Variants in SNTG2 observed in about 807,000 individuals in gnomAD.
The protein encoded by SNTG2 is syntrophin gamma 2.
Under a neutral mutation model 70.9 loss-of-function variants are expected in SNTG2, and 74 were observed. The observed-to-expected ratio is 1.04, with a 90% confidence interval of 0.86 to 1.27. The LOEUF is 1.27. Ranked by LOEUF, SNTG2 falls within the 50% of genes most tolerant of loss-of-function variation. The pLI, the probability that SNTG2 is intolerant of heterozygous loss-of-function variation, is 0.00. For missense variants in SNTG2, 717 were observed against 690.7 expected, an observed-to-expected ratio of 1.04 and a Z score of -0.43; for synonymous variants, 278 against 273.8, an observed-to-expected ratio of 1.02 and a Z score of -0.15.
intron 16 of SNTG2, among the ~76,000 whole-genome samples, chr2:1,327,166 G>A (rs1478357694): frequency 2.0e-5 from 3 of 151,802 alleles, no homozygotes; most frequent in African/African-American, 7.3e-5. Flanking sequence ...AAGAAGTAAG[G>A]GATTTTTTTT....
At chr2:974,509 C>G (rs975561080) in intron 1 of SNTG2, among the ~76,000 whole-genome samples, 7 of 152,200 alleles carry the variant, frequency 4.6e-5, no homozygotes, top group African/African-American at 1.7e-4. Context: ...CATGCAGGAG[C>G]TGGACACTGG....
chr2:1,222,544 C>T (rs1394551577), intron 9 of SNTG2, among the ~76,000 whole-genome samples: 10 of 108,730 alleles, frequency 9.2e-5, no homozygotes, highest in East Asian at 2.8e-4. Context: ...GGTGCTGGAT[C>T]GCTGTAGAGG....
rs78014487 is a variant in SNTG2 at position 1,128,249 on chromosome 2, C to T, written c.326-9373C>T. Among the ~76,000 whole-genome samples the T allele has an allele frequency of 2.1e-3, 326 of 151,924 alleles. 1 individual carries two copies. The highest frequency in any genetic ancestry group is 4.1e-3 in the South Asian group (20 of 4,826). On this transcript the variant is annotated intron_variant, in intron 4 of 16. Transcript: ENST00000308624. ...ATAAGGAATGCAATTTATTCATTTT[C>T]GCATACTGTGAATAATGGAATCAAG... is the stretch of plus-strand genomic sequence containing the variant.
intron 14 of SNTG2, among the ~76,000 whole-genome samples, chr2:1,269,191 G>A (rs191231885): frequency 3.9e-4 from 60 of 152,120 alleles, no homozygotes; most frequent in African/African-American, 1.4e-3. Flanking sequence ...CTTATGTTTC[G>A]TACTGTCCTT....
chr2:995,764 A>G (rs1661657877), intron 1 of SNTG2, among the ~76,000 whole-genome samples: 3 of 152,172 alleles, frequency 2.0e-5, no homozygotes, highest in African/African-American at 7.2e-5. Context: ...AATTTCATTT[A>G]AGTTATATAA....
At chr2:1,227,881 A>C (rs10192671) in intron 9 of SNTG2, among the ~76,000 whole-genome samples, 2 of 152,048 alleles carry the variant, frequency 1.3e-5, no homozygotes. Context: ...ATTCTGTGGC[A>C]CCAAACACCG....
At chr2:1,124,358 G>T (rs28796319) in intron 4 of SNTG2, among the ~76,000 whole-genome samples, 1 of 150,632 alleles carries the variant, frequency 6.6e-6, no homozygotes, top group African/African-American at 2.5e-5. Flanking sequence ...GCAGTGGTGC[G>T]ATCTCAGCTC....
At position 1,267,493 on chromosome 2, in the gene SNTG2, C is replaced by A; in HGVS notation, c.1206C>A (p.Asn402Lys). ...VAGHGKSHVFNVELGSELAMW... is the reference protein window; with the variant it reads ...VAGHGKSHVFKVELGSELAMW... The stretch of plus-strand genomic sequence containing the variant: ...GCCATGGGAAGAGCCATGTTTTCAA[C>A]GTGGAGCTTGGCAGCGAGCTGGCCA... The change falls in exon 14 of 17, where the codon AAC becomes AAA. Residue 402 changes from asparagine (N) to lysine (K), a missense_variant. Physicochemically the swap from Asn to Lys is moderately conservative, Grantham distance 94 (BLOSUM62 0). Coordinates refer to ENST00000308624, the MANE Select transcript of SNTG2 (RefSeq NM_018968.4). 1.2e-6 allele frequency: 2 copies of A among 1,613,892 alleles called. No individual in the cohort carries two copies. Among genetic ancestry groups the A allele is most frequent in the Non-Finnish European group, 8.5e-7 (1 of 1,179,880 alleles).
intron 2 of SNTG2, among the ~76,000 whole-genome samples, chr2:1,084,093 G>T (rs981807488): frequency 6.6e-6 from 1 of 152,130 alleles, no homozygotes; most frequent in Non-Finnish European, 1.5e-5. Context: ...CACCATGTGA[G>T]ATGTGGAATG....
intron 8 of SNTG2, among the ~76,000 whole-genome samples, chr2:1,178,652 C>A (rs1217342081): frequency 6.6e-6 from 1 of 152,116 alleles, no homozygotes; most frequent in East Asian, 1.9e-4. Context: ...AGGGATGAAG[C>A]CCACTTGATC....
chr2:1,157,763 T>C (rs1669998505), intron 6 of SNTG2, among the ~76,000 whole-genome samples: 1 of 152,162 alleles, frequency 6.6e-6, no homozygotes, highest in Non-Finnish European at 1.5e-5. Context: ...TAACTCAGCT[T>C]CTGGTGTGCA....
At chr2:987,289 C>A (rs778850724) in intron 1 of SNTG2, among the ~76,000 whole-genome samples, 21 of 152,138 alleles carry the variant, frequency 1.4e-4, no homozygotes, top group African/African-American at 5.1e-4. Context: ...GAGAATGGCA[C>A]ACTGCAGGTG....
Position 1,165,610 on chromosome 2 carries a change from G to C in SNTG2, c.474G>C (p.Ala158=). 1 of 1,612,860 alleles carries C rather than the reference G, an allele frequency of 6.2e-7. No homozygotes were observed. Among genetic ancestry groups the C allele is most frequent in the Non-Finnish European group, 8.5e-7 (1 of 1,179,514 alleles). ...TCACCGTTGAGTATCTCAGGGAAGCGCCGGCATTTCTGAAGCTCCCGTTAG... is the reference window on the plus strand; with the variant it reads ...TCACCGTTGAGTATCTCAGGGAAGCCCCGGCATTTCTGAAGCTCCCGTTAG... ...VTITVEYLRE[A]PAFLKLPLGS... is the part of the protein sequence containing the mutation. The change falls in exon 7 of 17, where the codon GCG becomes GCC. Residue 158 remains alanine, a synonymous_variant. Coordinates refer to ENST00000308624, the MANE Select transcript of SNTG2 (RefSeq NM_018968.4).
intron 11 of SNTG2, among the ~76,000 whole-genome samples, chr2:1,244,069 T>C (rs1677236020): frequency 6.6e-6 from 1 of 152,144 alleles, no homozygotes; most frequent in Admixed American, 6.5e-5. Flanking sequence ...GTGGAGGAAG[T>C]AAAACCAGCA....
chr2:1,089,321 A>G (rs191657486), intron 2 of SNTG2, among the ~76,000 whole-genome samples: 174 of 152,368 alleles, frequency 1.1e-3, no homozygotes, highest in Admixed American at 2.1e-3. Flanking sequence ...AAACCTTAAA[A>G]TAATGAACAG....
intron 8 of SNTG2, among the ~76,000 whole-genome samples, chr2:1,188,355 TAAG>T (rs567440053): frequency 3.2e-4 from 49 of 151,688 alleles, no homozygotes; most frequent in Non-Finnish European, 5.7e-4. Context: ...GAACCAAAGA[TAAG>T]AAGGTAGAGT....
chr2:1,348,243 C>A (rs962496462), intron 16 of SNTG2, among the ~76,000 whole-genome samples: 1 of 152,120 alleles, frequency 6.6e-6, no homozygotes, highest in Non-Finnish European at 1.5e-5. Flanking sequence ...AATTCTAAAG[C>A]CCCCCAGCCA....
At chr2:1,040,814 C>T (rs1661394557) in intron 1 of SNTG2, among the ~76,000 whole-genome samples, 1 of 152,174 alleles carries the variant, frequency 6.6e-6, no homozygotes, top group African/African-American at 2.4e-5. Context: ...CCTGTCCTGC[C>T]ACCCTTGACG....
chr2:1,123,545 A>G (rs62107419), intron 4 of SNTG2, among the ~76,000 whole-genome samples: 6,242 of 152,310 alleles, frequency 0.041, 236 homozygotes, highest in South Asian at 0.18. Context: ...TACACCGTAT[A>G]GGAAACCTAC....
Sources: allele counts gnomAD v4.1 joint callset (sites outside exome capture counted in the v4.1 genomes callset), GRCh38; gene constraint gnomAD v4.1.1; transcripts MANE v1.5; gene names NCBI Gene and HGNC (gene_info 2026-07-23, HGNC 2026-07-21).